The following PCSK6 variants were observed in gnomAD, a reference collection of about 807,000 sequenced individuals.
The protein encoded by PCSK6 is paired basic amino acid cleaving enzyme 4.
A neutral mutation model predicts 123.3 loss-of-function variants in PCSK6; 85 were observed. The ratio of observed to expected loss-of-function variants is 0.69; its 90% CI spans 0.58 to 0.83. The LOEUF is 0.83. Ranked by LOEUF, PCSK6 falls within the 40% of genes least tolerant of loss-of-function variation. PCSK6 has a pLI of 0.00. For missense variants in PCSK6, 1,191 were observed against 1,282.3 expected, an observed-to-expected ratio of 0.93 and a Z score of 1.09; for synonymous variants, 508 against 516.0, an observed-to-expected ratio of 0.98 and a Z score of 0.21.
chr15:101,484,101 T>G (rs1251819795), intron 1 of PCSK6, among the ~76,000 whole-genome samples: 1 of 152,186 alleles, frequency 6.6e-6, no homozygotes, highest in Non-Finnish European at 1.5e-5. Context: ...CATCACCACA[T>G]GTAATATACC....
At chr15:101,348,725 T>C (rs914004027) in intron 13 of PCSK6, among the ~76,000 whole-genome samples, 1 of 152,178 alleles carries the variant, frequency 6.6e-6, no homozygotes, top group African/African-American at 2.4e-5. Context: ...GACACTATTA[T>C]TCCCATCACA....
intron 6 of PCSK6, 87 bp downstream of exon 6, chr15:101,427,805 G>A (rs1303106228): frequency 9.4e-7 from 1 of 1,065,040 alleles, no homozygotes; most frequent in African/African-American, 1.6e-5. Context: ...CCAAAAAACA[G>A]GAGGCTGCTG....
intron 15 of PCSK6, among the ~76,000 whole-genome samples, chr15:101,327,900 T>A (rs1567144916): frequency 1.3e-5 from 2 of 152,178 alleles, no homozygotes; most frequent in African/African-American, 2.4e-5. Context: ...CTCTAGATGC[T>A]GTTCCTGGGC....
In PCSK6 at chr15:101,417,647, A is replaced by ATTAT. The variant is rs139746845; in HGVS notation, c.823+10241_823+10244dup. 1.6e-3 allele frequency among the ~76,000 whole-genome samples: 246 copies of ATTAT among 152,288 alleles called. 2 individuals carry two copies. Among genetic ancestry groups the ATTAT allele is most frequent in the African/African-American group, 5.4e-3 (225 of 41,584 alleles). ...AGAGGTGATGAAAGGAGAATGTATG[A>ATTAT]TTATTTATTTATTTATTAGAACACA... On this transcript the variant is annotated intron_variant, in intron 6 of 21. Coordinates refer to ENST00000611716, the MANE Select transcript of PCSK6 (RefSeq NM_002570.5).
intron 1 of PCSK6, among the ~76,000 whole-genome samples, chr15:101,454,928 G>C (rs946968653): frequency 6.6e-6 from 1 of 150,492 alleles, no homozygotes; most frequent in African/African-American, 2.5e-5. Flanking sequence ...CTGGGCAACA[G>C]AGTGAGACTC....
intron 13 of PCSK6, among the ~76,000 whole-genome samples, chr15:101,341,050 C>T (rs535626540): frequency 7.3e-5 from 11 of 151,226 alleles, no homozygotes; most frequent in Non-Finnish European, 1.6e-4. Flanking sequence ...ATTCTCCTGC[C>T]TCAGCCTCCC....
chr15:101,364,830 G>A (rs148681591), intron 13 of PCSK6: 9 of 538,566 alleles, frequency 1.7e-5, no homozygotes, highest in Middle Eastern at 4.3e-4. Flanking sequence ...GGAATTACAC[G>A]GGACCCAAAA....
chr15:101,435,630 G>A (rs368027512), intron 2 of PCSK6, among the ~76,000 whole-genome samples: 60 of 152,360 alleles, frequency 3.9e-4, no homozygotes, highest in African/African-American at 1.3e-3. Context: ...CTCTGGGGCA[G>A]GGAGTTCTAA....
At chr15:101,463,674 A>C (rs556752266) in intron 1 of PCSK6, among the ~76,000 whole-genome samples, 10 of 152,220 alleles carry the variant, frequency 6.6e-5, no homozygotes, top group South Asian at 4.2e-4. Context: ...TGAGGGTGTG[A>C]GTCTGTGTGT....
chr15:101,320,884 C>T (rs548496859), intron 18 of PCSK6, among the ~76,000 whole-genome samples: 12 of 152,344 alleles, frequency 7.9e-5, no homozygotes, highest in African/African-American at 1.9e-4. Context: ...TCGTCAGTGA[C>T]GGAAGCACTG....
chr15:101,366,455 G>A, intron 12 of PCSK6, 123 bp from the exon 13 acceptor site: 1 of 987,452 alleles, frequency 1.0e-6, no homozygotes. Flanking sequence ...CCCCAGGGTA[G>A]CGGGGGTCTG....
At chr15:101,467,537 T>G (rs1470650810) in intron 1 of PCSK6, among the ~76,000 whole-genome samples, 2 of 152,090 alleles carry the variant, frequency 1.3e-5, no homozygotes, top group Non-Finnish European at 2.9e-5. Context: ...CCTCCCAAAG[T>G]GCTGGAATTA....
At chr15:101,370,635 TGCGGGCCCCGG>T (rs1169917770) in intron 11 of PCSK6, 112 bp from the exon 12 acceptor site, 2 of 1,024,494 alleles carry the variant, frequency 2.0e-6, no homozygotes, top group Non-Finnish European at 2.6e-6. Context: ...CTCAGGGCCC[TGCGGGCCCCGG>T]GGAGCCGCAG....
intron 9 of PCSK6, among the ~76,000 whole-genome samples, chr15:101,386,413 A>G (rs2042065548): frequency 1.3e-5 from 2 of 152,184 alleles, no homozygotes; most frequent in African/African-American, 4.8e-5. Context: ...ACAGCTCAGT[A>G]GCATTAAGGA....
intron 6 of PCSK6, among the ~76,000 whole-genome samples, chr15:101,410,371 G>A (rs564940134): frequency 6.6e-6 from 1 of 152,330 alleles, no homozygotes; most frequent in East Asian, 1.9e-4. Flanking sequence ...TGAAGCAGAA[G>A]GGCTGGGAGG....
intron 13 of PCSK6, among the ~76,000 whole-genome samples, chr15:101,344,227 G>A (rs1037178047): frequency 9.2e-5 from 14 of 152,088 alleles, no homozygotes; most frequent in African/African-American, 3.4e-4. Context: ...AAATATATCC[G>A]AGGTATGCTA....
At chr15:101,463,527 G>C (rs950697649) in intron 1 of PCSK6, among the ~76,000 whole-genome samples, 2 of 152,116 alleles carry the variant, frequency 1.3e-5, no homozygotes, top group Non-Finnish European at 2.9e-5. Context: ...ACTATGTGCC[G>C]TATCTTTCCT....
At chr15:101,476,656 T>C (rs901720888) in intron 1 of PCSK6, among the ~76,000 whole-genome samples, 4 of 151,834 alleles carry the variant, frequency 2.6e-5, no homozygotes, top group Non-Finnish European at 4.4e-5. Context: ...TACTAATGTG[T>C]GAACAGTGGT....
chr15:101,398,421 C>T lies in PCSK6; in HGVS notation c.979G>A (p.Glu327Lys), dbSNP rs760045382. The T allele has an allele frequency of 5.0e-6, 8 of 1,611,878 alleles. No homozygotes were observed. The highest frequency in any genetic ancestry group is 4.0e-5 in the African/African-American group (3 of 74,890). ...ACTCACACCTTTTTAATGCCATACT[C>T]GAAAGCCTGCTTAGCCAGTCGGCCG... ...GPGRLAKQAF[E>K]YGIKKGRQGL... is the part of the protein sequence containing the mutation. Residue 327 changes from glutamate to lysine, a missense_variant, in exon 7 of 22, where the codon GAG (glutamate) becomes AAG (lysine). Physicochemically the swap from Glu to Lys is moderately conservative, Grantham distance 56. Transcript: ENST00000611716. The surrounding 1 kb of genome is among the most constrained non-coding windows in gnomAD (Gnocchi z 4.6).
Sources: gnomAD v4.1 joint callset for allele counts (sites outside exome capture counted in the v4.1 genomes callset) on GRCh38, gnomAD v4.1.1 for gene constraint, Gnocchi (gnomAD v3.1) non-coding constraint, MANE v1.5 for transcripts, NCBI Gene and HGNC (gene_info 2026-07-23, HGNC 2026-07-21) for gene names.